The following ITGB1BP2 variants were observed in gnomAD, a reference collection of about 807,000 sequenced individuals.
The protein encoded by ITGB1BP2 is integrin beta-1-binding protein 2.
Under a neutral mutation model 32.2 loss-of-function variants are expected in ITGB1BP2, and 27 were observed. The observed-to-expected ratio is 0.84, with a 90% CI of 0.62 to 1.16. ITGB1BP2 has a LOEUF of 1.16. Ranked by LOEUF, ITGB1BP2 falls within the 50% of genes most tolerant of loss-of-function variation. The probability of loss-of-function intolerance (pLI) is 0.00; values close to 1 mark genes in which losing one functional copy is unlikely to be tolerated. For synonymous variants in ITGB1BP2, 105 were observed against 94.7 expected, an observed-to-expected ratio of 1.11 and a Z score of -0.63; for missense variants, 250 against 267.3, an observed-to-expected ratio of 0.94 and a Z score of 0.45.
At chrX:71,302,005 C>G in intron 1 of ITGB1BP2, 132 bp from the exon 2 acceptor site, 3 of 884,097 alleles carry the variant, frequency 3.4e-6, no homozygotes, top group Non-Finnish European at 4.7e-6. Context: ...ATCTTACAGC[C>G]TTTGCTGGCT....
rs757743916 is a variant in ITGB1BP2, at chrX:71,304,472, G to C, written c.754-70G>C. ...AACCTGTGGATCATACCTCTGACCT[G>C]GTTATCTGTCGTAATGACCTATTCT... On this transcript the variant is annotated intron_variant, in intron 9 of 10. Coordinates refer to ENST00000373829, the MANE Select transcript of ITGB1BP2 (RefSeq NM_012278.4). The C allele has an allele frequency of 2.3e-5, 24 of 1,054,396 alleles. 1 individual carries two copies. The Admixed American group carries it at 4.3e-4, about 19-fold the overall frequency. 86.9% of individuals were successfully genotyped at this position (1,054,396 alleles called of 1,213,427 possible). A position where few individuals can be genotyped will look rare whatever the true frequency, so the allele number is the denominator to read the frequency against.
Position 71,304,552 on chromosome X carries a change from A to T in ITGB1BP2, c.764A>T (p.His255Leu). Residue 255 changes from histidine to leucine, a missense_variant, in exon 10 of 11, where the codon CAC (histidine) becomes CTC (leucine). Transcript: ENST00000373829. ...VKASQTELHVHIVFDGNRVFQ... is the reference protein window; with the variant it reads ...VKASQTELHVLIVFDGNRVFQ... The stretch of plus-strand genomic sequence containing the variant: ...ATTCTTTTCTCTCAGCTTCATGTCC[A>T]CATTGTCTTTGATGGTAACCGTGTG... 8.3e-7 allele frequency: 1 copy of T among 1,208,482 alleles called. No individual in the cohort carries two copies. The highest frequency in any genetic ancestry group is 1.1e-6 in the Non-Finnish European group (1 of 893,712).
chrX:71,302,273 T>C lies in ITGB1BP2; in HGVS notation c.115-4T>C, dbSNP rs201923266. 1.6e-4 allele frequency: 188 copies of C among 1,208,996 alleles called. No individual in the cohort carries two copies. The Admixed American group carries it at 3.8e-3, about 24-fold the overall frequency. ...CTAAGCTGATCTGGGTCTCTTGTTA[T>C]CAGGGTTGGTCCTGCTGCCGAAAGC... is the stretch of plus-strand genomic sequence containing the variant. On this transcript the variant is annotated splice_region_variant and splice_polypyrimidine_tract_variant and intron_variant, in intron 2 of 10. Transcript: ENST00000373829.
intron 10 of ITGB1BP2, 29 bp from the exon 11 acceptor site, chrX:71,304,932 CTCTT>C (rs762413336): frequency 9.8e-6 from 11 of 1,126,999 alleles, no homozygotes; most frequent in South Asian, 3.7e-5. Context: ...TCCTCATTCT[CTCTT>C]TCTTCTGTTT....
rs751962966 is a variant in ITGB1BP2, at chrX:71,304,605, G to T, written c.816+1G>T. The T allele has an allele frequency of 3.0e-5, 36 of 1,198,373 alleles. No individual in the cohort carries two copies. Among genetic ancestry groups the T allele is most frequent in the Non-Finnish European group, 3.0e-5 (27 of 887,320 alleles). On this transcript the variant is annotated splice_donor_variant, in intron 10 of 10. Transcript: ENST00000373829. LOFTEE classifies it high-confidence loss of function. ...CCAAGCACAGATGAAGCTCTGGGGG[G>T]TAAGTGAAGACCAGGGGACACAAGA...
intron 9 of ITGB1BP2, 35 bp from the exon 10 acceptor site, chrX:71,304,507 G>T (rs773057643): frequency 1.5e-5 from 18 of 1,169,459 alleles, no homozygotes; most frequent in South Asian, 1.3e-4. Context: ...TGACCTTCTG[G>T]GTTTGTTACT....
At position 71,305,203 on chromosome X, in the gene ITGB1BP2, C is replaced by T; in HGVS notation, c.*11C>T. On this transcript the variant is annotated 3_prime_UTR_variant, in exon 11 of 11. Transcript: ENST00000373829. ...GCAATGGGGGAATAGTGACACCAGACAGTTGATGTCTAGATAGGACCTCAA... is the reference window on the plus strand; with the variant it reads ...GCAATGGGGGAATAGTGACACCAGATAGTTGATGTCTAGATAGGACCTCAA... The T allele has an allele frequency of 2.6e-6, 3 of 1,150,004 alleles. No individual in the cohort carries two copies. The highest frequency in any genetic ancestry group is 3.5e-6 in the Non-Finnish European group (3 of 846,932). The allele number at this position is 1,150,004 out of a possible 1,213,427, so 94.8% of individuals were successfully genotyped here. A position where few individuals can be genotyped will look rare whatever the true frequency, so the allele number is the denominator to read the frequency against.
At chrX:71,303,539 T>G in intron 6 of ITGB1BP2, 23 bp downstream of exon 6, 3 of 1,209,837 alleles carry the variant, frequency 2.5e-6, no homozygotes, top group Non-Finnish European at 3.4e-6. Flanking sequence ...TTTGAGGGGC[T>G]CAAGCATATG....
At chrX:71,303,565 G>C in intron 6 of ITGB1BP2, 49 bp downstream of exon 6, 1 of 1,202,461 alleles carries the variant, frequency 8.3e-7, no homozygotes. Context: ...GGGATGACTG[G>C]GTATAGATAG....
Position 71,301,838 on chromosome X carries a change from G to A in ITGB1BP2, c.32G>A (p.Gly11Glu). The A allele has an allele frequency of 2.5e-6, 3 of 1,209,901 alleles. No individual in the cohort carries two copies. The highest frequency in any genetic ancestry group is 3.4e-6 in the Non-Finnish European group (3 of 894,110). MSLLCRNKGC[G>E]QHFDPNTNLP... ...CTACTCTGTCGTAACAAAGGCTGTG[G>A]GCAGCACTTTGACCCTAATACCAAC... Residue 11 changes from glycine to glutamate, a missense_variant, in exon 1 of 11, where the codon GGG becomes GAG. Gly to Glu is a moderately conservative substitution (Grantham distance 98). Transcript: ENST00000373829.
Position 71,305,214 on chromosome X carries a change from T to G in ITGB1BP2, c.*22T>G. On this transcript the variant is annotated 3_prime_UTR_variant, in exon 11 of 11. Transcript: ENST00000373829. ...ATAGTGACACCAGACAGTTGATGTC[T>G]AGATAGGACCTCAATGATTCCCTTA... The G allele has an allele frequency of 9.0e-7, 1 of 1,108,394 alleles. No individual in the cohort carries two copies. Among genetic ancestry groups the G allele is most frequent in the Non-Finnish European group, 1.2e-6 (1 of 812,237 alleles). The allele number at this position is 1,108,394 out of a possible 1,213,427, so 91.3% of individuals were successfully genotyped here.
chrX:71,304,052 C>T, intron 8 of ITGB1BP2, 135 bp from the exon 9 acceptor site: 1 of 699,417 alleles, frequency 1.4e-6, no homozygotes, highest in Non-Finnish European at 2.2e-6. Context: ...TATCCCTCAA[C>T]AGCCCAGAGG....
At chrX:71,304,797 C>A (rs2031670036) in intron 10 of ITGB1BP2, 168 bp from the exon 11 acceptor site, 2 of 479,274 alleles carry the variant, frequency 4.2e-6, no homozygotes, top group Admixed American at 3.9e-5. Flanking sequence ...TCTCCCTTTT[C>A]ATCTCTCATT....
Position 71,301,827 on chromosome X carries a change from C to T in ITGB1BP2, c.21C>T (p.Asn7=). 1 of 1,210,355 alleles carries T rather than the reference C, an allele frequency of 8.3e-7. No homozygotes were observed. The highest frequency in any genetic ancestry group is 1.1e-6 in the Non-Finnish European group (1 of 894,342). ...CTTCCATGTCTCTACTCTGTCGTAA[C>T]AAAGGCTGTGGGCAGCACTTTGACC... MSLLCR[N]KGCGQHFDPN... Residue 7 remains asparagine (N), a synonymous_variant, in exon 1 of 11, where the codon AAC becomes AAT. Transcript: ENST00000373829.
chrX:71,304,928 T>A, intron 10 of ITGB1BP2, 37 bp from the exon 11 acceptor site: 1 of 1,112,291 alleles, frequency 9.0e-7, no homozygotes. Context: ...GATTTCCTCA[T>A]TCTCTCTTTC....
In ITGB1BP2 at chrX:71,303,857, G is replaced by T; in HGVS notation, c.585G>T (p.Gly195=). 3 of 1,209,378 alleles carry T rather than the reference G, an allele frequency of 2.5e-6. No individual in the cohort carries two copies. Among genetic ancestry groups the T allele is most frequent in the Non-Finnish European group, 3.4e-6 (3 of 894,470 alleles). The part of the protein sequence containing the change: ...SCCGIQTLDF[G]AFLAQPGCRV... The stretch of plus-strand genomic sequence containing the variant: ...GTGGCATCCAGACCCTGGATTTTGG[G>T]GCATTCTTGGCACAACCAGGGTGCA... The change falls in exon 8 of 11, where the codon GGG becomes GGT. Residue 195 remains glycine (G), a synonymous_variant. Coordinates refer to ENST00000373829, the MANE Select transcript of ITGB1BP2 (RefSeq NM_012278.4).
In ITGB1BP2 at chrX:71,304,253, C is replaced by G; in HGVS notation, c.706C>G (p.Gln236Glu). Residue 236 changes from glutamine to glutamate, a missense_variant, in exon 9 of 11, where the codon CAG (glutamine) becomes GAG (glutamate). Transcript: ENST00000373829. ...CTTAGTAGTGGTGACTGTATATGGC[C>G]AGATTCCACTTCCTGCGTTTAACTG... ...DSLVVVTVYGQIPLPAFNWVK... is the reference protein window; with the variant it reads ...DSLVVVTVYGEIPLPAFNWVK... The G allele has an allele frequency of 2.5e-6, 3 of 1,209,856 alleles. No homozygotes were observed. Among genetic ancestry groups the G allele is most frequent in the African/African-American group, 1.7e-5 (1 of 57,731 alleles).
intron 9 of ITGB1BP2, 105 bp downstream of exon 9, chrX:71,304,405 C>T (rs764685157): frequency 2.3e-5 from 20 of 862,224 alleles, no homozygotes; most frequent in Non-Finnish European, 3.2e-5. Flanking sequence ...TCCATAGTAC[C>T]CTTAGAGGAA....
At chrX:71,304,444 G>T in intron 9 of ITGB1BP2, 98 bp from the exon 10 acceptor site, 1 of 958,377 alleles carries the variant, frequency 1.0e-6, no homozygotes, top group Non-Finnish European at 1.5e-6. Flanking sequence ...GGGCTGTCTG[G>T]CCAACCTGTG....
Sources: gnomAD v4.1 joint callset for allele counts on GRCh38, gnomAD v4.1.1 for gene constraint, MANE v1.5 for transcripts, NCBI Gene and HGNC (gene_info 2026-07-23, HGNC 2026-07-21) for gene names.